TMPRSS11B: variants seen among roughly 807,000 people sequenced by gnomAD.
TMPRSS11B encodes the protein transmembrane serine protease 11B.
TMPRSS11B carries 53 observed loss-of-function variants against 44.7 expected under a neutral mutation model. The ratio of observed to expected loss-of-function variants is 1.19; its 90% CI spans 0.95 to 1.49. TMPRSS11B has a LOEUF of 1.49. TMPRSS11B is among the 40% of genes most tolerant of loss of function. The pLI is 0.00. For missense variants in TMPRSS11B, 526 were observed against 494.8 expected (o/e 1.06, Z -0.60); for synonymous variants, 140 against 159.2 (o/e 0.88, Z 0.91).
Position 68,234,273 on chromosome 4 carries a change from A to G in TMPRSS11B, c.469+190T>C, listed in dbSNP as rs145019301. 1.0e-2 allele frequency among the ~76,000 whole-genome samples: 1,518 copies of G among 152,140 alleles called. 24 individuals are homozygous for G. Among genetic ancestry groups the G allele is most frequent in the African/African-American group, 0.033 (1,376 of 41,510 alleles). Reference sequence around the variant, plus strand: ...TGCTTGCAGTGTAACCCTCATTCCTATCATTCTTCAGACAATGATTCCATG... The same window carrying G: ...TGCTTGCAGTGTAACCCTCATTCCTGTCATTCTTCAGACAATGATTCCATG... On this transcript the variant is annotated intron_variant, in intron 5 of 9. Coordinates refer to ENST00000332644, the MANE Select transcript of TMPRSS11B (RefSeq NM_182502.3).
At chr4:68,231,409 C>T (rs1446510756) in intron 6 of TMPRSS11B, 29 bp from the exon 7 acceptor site, 3 of 1,559,094 alleles carry the variant, frequency 1.9e-6, no homozygotes, top group Non-Finnish European at 2.6e-6. Context: ...TACACGAGAG[C>T]AGGTATCTTT....
At chr4:68,242,274 A>ATATATAAT (rs1719861576) in intron 1 of TMPRSS11B, among the ~76,000 whole-genome samples, 1 of 75,376 alleles carries the variant, frequency 1.3e-5, no homozygotes, top group African/African-American at 6.4e-5. Context: ...ATAATATAAT[A>ATATATAAT]TTATATATAT....
At position 68,229,295 on chromosome 4, in the gene TMPRSS11B, T is replaced by C. The variant is rs1335456447; in HGVS notation, c.908A>G (p.Asn303Ser). ...EAKMKLSEND[N>S]VVVTGWGTLY... is the part of the protein sequence containing the mutation. ...TGTTCCCCAACCTGTAACTACAACATTGTCATTTTCTGAGAGCTTCATTTT... is the reference window on the plus strand; with the variant it reads ...TGTTCCCCAACCTGTAACTACAACACTGTCATTTTCTGAGAGCTTCATTTT... Residue 303 changes from asparagine (N) to serine (S), a missense_variant, in exon 8 of 10, where the codon AAT (asparagine) becomes AGT (serine). Physicochemically the swap from Asn to Ser is conservative, Grantham distance 46 (BLOSUM62 1). Coordinates refer to ENST00000332644, the MANE Select transcript of TMPRSS11B (RefSeq NM_182502.3). 8.7e-6 allele frequency: 14 copies of C among 1,612,976 alleles called. No homozygotes were observed. The African/African-American group carries it at 1.6e-4, about 18-fold the overall frequency.
chr4:68,229,830 A>T (rs1299640806), intron 7 of TMPRSS11B, among the ~76,000 whole-genome samples: 1 of 152,134 alleles, frequency 6.6e-6, no homozygotes, highest in African/African-American at 2.4e-5. Context: ...GAGCGTCCTC[A>T]ATTCCGTAAG....
chr4:68,241,826 G>A (rs776200382), intron 1 of TMPRSS11B, 22 bp from the exon 2 acceptor site: 17 of 1,447,972 alleles, frequency 1.2e-5, no homozygotes, highest in Non-Finnish European at 1.6e-5. Flanking sequence ...GAAAATTTTG[G>A]TTCAAATCAG....
chr4:68,231,131 G>C lies in TMPRSS11B; in HGVS notation c.686+72C>G, dbSNP rs924420021. 3 of 1,362,244 alleles carry C rather than the reference G, an allele frequency of 2.2e-6. No homozygotes were observed. The African/African-American group carries it at 4.4e-5, about 20-fold the overall frequency. 84.4% of individuals were successfully genotyped at this position (1,362,244 alleles called of 1,614,324 possible). A position where few individuals can be genotyped will look rare whatever the true frequency, so the allele number is the denominator to read the frequency against. The stretch of plus-strand genomic sequence containing the variant: ...GCCTTGGTGAACCTTGACACATTAA[G>C]TTAACCCCTACAAACTATCCAAAAT... On this transcript the variant is annotated intron_variant, in intron 7 of 9. Coordinates refer to ENST00000332644, the MANE Select transcript of TMPRSS11B (RefSeq NM_182502.3).
Position 68,245,561 on chromosome 4 carries a change from T to C in TMPRSS11B, c.-3A>G. On this transcript the variant is annotated 5_prime_UTR_variant, in exon 1 of 10. Coordinates refer to ENST00000332644, the MANE Select transcript of TMPRSS11B (RefSeq NM_182502.3). ...TGAAGTCCCCTTTACCTGTACATAA[T>C]GTTCTGATTGTTATGGCAGTATCAG... 6.2e-7 allele frequency: 1 copy of C among 1,613,608 alleles called. No individual in the cohort carries two copies. The highest frequency in any genetic ancestry group is 1.1e-5 in the South Asian group (1 of 91,056).
intron 8 of TMPRSS11B, 72 bp downstream of exon 8, chr4:68,229,185 T>TGATTGATTGATTGATG (rs1719436400): frequency 8.2e-7 from 1 of 1,225,778 alleles, no homozygotes; most frequent in African/African-American, 2.1e-5. Context: ...AGGGGATGAT[T>TGATTGATTGATTGATG]GATTGATTGA....
At chr4:68,241,388 A>G (rs1719817398) in intron 2 of TMPRSS11B, among the ~76,000 whole-genome samples, 1 of 152,122 alleles carries the variant, frequency 6.6e-6, no homozygotes, top group African/African-American at 2.4e-5. Context: ...TATATTTACT[A>G]CAGGATGTAA....
chr4:68,239,785 A>T (rs893254817), intron 2 of TMPRSS11B, among the ~76,000 whole-genome samples: 7 of 152,194 alleles, frequency 4.6e-5, no homozygotes, highest in African/African-American at 1.2e-4. Context: ...TGCATGGGTA[A>T]GGTCATGCCC....
At chr4:68,245,353 A>AT (rs984576793) in intron 1 of TMPRSS11B, among the ~76,000 whole-genome samples, 198 bp downstream of exon 1, 1 of 152,032 alleles carries the variant, frequency 6.6e-6, no homozygotes, top group African/African-American at 2.4e-5. Context: ...CTGAATTATT[A>AT]TTTTTCTTTT....
intron 5 of TMPRSS11B, among the ~76,000 whole-genome samples, chr4:68,232,901 C>A (rs1340086763): frequency 7.3e-6 from 1 of 137,744 alleles, no homozygotes; most frequent in African/African-American, 2.7e-5. Context: ...ATAGAGATTT[C>A]TTTCCCATGA....
rs748513397 is a variant in TMPRSS11B, at chr4:68,241,855, T to C, written c.9-51A>G. 9.8e-6 allele frequency: 10 copies of C among 1,024,994 alleles called. No individual in the cohort carries two copies. The South Asian group carries it at 1.3e-4, about 13-fold the overall frequency. The allele number at this position is 1,024,994 out of a possible 1,614,324, so 63.5% of individuals were successfully genotyped here. On this transcript the variant is annotated intron_variant, in intron 1 of 9. Transcript: ENST00000332644. ...AAATCAGATAATAACAATCAAAATC[T>C]ACCTGCCTCTCCTTCAACTCATAGT...
chr4:68,234,388 A>G (rs1182451139), intron 5 of TMPRSS11B, 75 bp downstream of exon 5: 2 of 1,482,128 alleles, frequency 1.3e-6, no homozygotes, highest in East Asian at 4.6e-5. Context: ...CTCTTAGTTC[A>G]CTTTTTAGTA....
chr4:68,232,382 G>T lies in TMPRSS11B; in HGVS notation c.504C>A (p.Asn168Lys), dbSNP rs1719540560. 6.2e-7 allele frequency: 1 copy of T among 1,612,540 alleles called. No homozygotes were observed. Among genetic ancestry groups the T allele is most frequent in the East Asian group, 2.2e-5 (1 of 44,726 alleles). ...ISKAASEMLT[N>K]NCCGRQVANS... Reference sequence around the variant, plus strand: ...ATTAAAAGGTCCTTAACTTACAGTTGTTGGTAAGCATTTCAGAAGCAGCCT... The same window carrying T: ...ATTAAAAGGTCCTTAACTTACAGTTTTTGGTAAGCATTTCAGAAGCAGCCT... Residue 168 changes from asparagine (N) to lysine (K), a missense_variant, in exon 6 of 10, where the codon AAC becomes AAA. Transcript: ENST00000332644.
intron 1 of TMPRSS11B, 107 bp from the exon 2 acceptor site, chr4:68,241,911 T>C (rs1344452270): frequency 1.5e-6 from 1 of 670,530 alleles, no homozygotes; most frequent in Non-Finnish European, 2.7e-6. Context: ...ATTAGTCCTT[T>C]ATGCTAGCTG....
chr4:68,236,366 A>G lies in TMPRSS11B; in HGVS notation c.125-100T>C, dbSNP rs1384442361. 28 of 733,040 alleles carry G rather than the reference A, an allele frequency of 3.8e-5. No individual in the cohort carries two copies. In the South Asian group the frequency reaches 4.4e-4, roughly 11 times the overall value. 45.4% of individuals were successfully genotyped at this position (733,040 alleles called of 1,614,324 possible). A position where few individuals can be genotyped will look rare whatever the true frequency, so the allele number is the denominator to read the frequency against. ...CTCAACATTCCACCCAGCTTTAGAAATAATCCATTTATACCTCTGCCTCAA... is the reference window on the plus strand; with the variant it reads ...CTCAACATTCCACCCAGCTTTAGAAGTAATCCATTTATACCTCTGCCTCAA... On this transcript the variant is annotated intron_variant, in intron 2 of 9. Transcript: ENST00000332644.
chr4:68,236,705 A>T (rs1375948866), intron 2 of TMPRSS11B, among the ~76,000 whole-genome samples: 2 of 152,168 alleles, frequency 1.3e-5, no homozygotes, highest in Non-Finnish European at 2.9e-5. Context: ...TATGCACTAG[A>T]TATAAAACAT....
At chr4:68,235,655 G>C (rs756293162) in intron 4 of TMPRSS11B, among the ~76,000 whole-genome samples, 12 of 152,112 alleles carry the variant, frequency 7.9e-5, no homozygotes, top group Non-Finnish European at 1.3e-4. Flanking sequence ...TGAATTATTT[G>C]TTTTCCCTGG....
Sources: gnomAD v4.1 joint callset for allele counts (sites outside exome capture counted in the v4.1 genomes callset) on GRCh38, gnomAD v4.1.1 for gene constraint, MANE v1.5 for transcripts, NCBI Gene and HGNC (gene_info 2026-07-23, HGNC 2026-07-21) for gene names.